The following RALA variants were observed in gnomAD, a reference collection of about 807,000 sequenced individuals.
The protein encoded by RALA is ras-related protein Ral-A.
Under a neutral mutation model 24.0 loss-of-function variants are expected in RALA, and 5 were observed. That is an observed-to-expected ratio of 0.21 (90% CI 0.11 to 0.44). The LOEUF (loss-of-function observed/expected upper bound fraction) is 0.44. Ranked by LOEUF, RALA falls within the 20% of genes least tolerant of loss-of-function variation. RALA has a pLI of 0.99. For missense variants in RALA, 95 were observed against 241.2 expected, an observed-to-expected ratio of 0.39 and a Z score of 4.01; for synonymous variants, 77 against 83.8, an observed-to-expected ratio of 0.92 and a Z score of 0.44.
chr7:39,667,542 A>T (rs960270459), intron 1 of RALA, among the ~76,000 whole-genome samples: 1 of 152,212 alleles, frequency 6.6e-6, no homozygotes, highest in Admixed American at 6.5e-5. Context: ...TGTAGGGGGA[A>T]TCTCTTCTTC....
At chr7:39,654,481 T>C (rs1481279052) in intron 1 of RALA, among the ~76,000 whole-genome samples, 1 of 152,184 alleles carries the variant, frequency 6.6e-6, no homozygotes, top group East Asian at 1.9e-4. Flanking sequence ...TTGTAAAAAT[T>C]ATCTCCCAGT....
intron 1 of RALA, among the ~76,000 whole-genome samples, chr7:39,682,912 T>A (rs941410290): frequency 1.3e-5 from 2 of 152,218 alleles, no homozygotes; most frequent in African/African-American, 4.8e-5. Context: ...AGTGCTGGGA[T>A]TACAGGCATG....
intron 1 of RALA, among the ~76,000 whole-genome samples, chr7:39,669,050 G>A (rs1792334965): frequency 6.6e-6 from 1 of 150,990 alleles, no homozygotes; most frequent in South Asian, 2.1e-4. Flanking sequence ...GGAGGCAGAG[G>A]TTGCAGTGAA....
rs369204460 is a variant in RALA at position 39,625,746 on chromosome 7, A to G, written c.-38+1921A>G. On this transcript the variant is annotated intron_variant, in intron 1 of 4. Transcript: ENST00000005257. The stretch of plus-strand genomic sequence containing the variant: ...CTAATTATAGAAAAGAATCTTGTCT[A>G]CCATTTGTGAGGGAATATTTTTGTC... 3.3e-5 allele frequency among the ~76,000 whole-genome samples: 5 copies of G among 152,202 alleles called. 1 individual carries two copies. Among genetic ancestry groups the G allele is most frequent in the South Asian group, 4.1e-4 (2 of 4,834 alleles).
chr7:39,690,725 A>G, intron 3 of RALA, 135 bp downstream of exon 3: 1 of 682,646 alleles, frequency 1.5e-6, no homozygotes, highest in Non-Finnish European at 2.4e-6. Flanking sequence ...CCTTTTTGAT[A>G]TCAGTATATG....
At chr7:39,632,754 T>G (rs1382194917) in intron 1 of RALA, among the ~76,000 whole-genome samples, 2 of 152,154 alleles carry the variant, frequency 1.3e-5, no homozygotes, top group African/African-American at 4.8e-5. Context: ...GAGGGGAGGC[T>G]TCAATGAGCT....
At chr7:39,664,813 A>G (rs1792255765) in intron 1 of RALA, among the ~76,000 whole-genome samples, 1 of 152,132 alleles carries the variant, frequency 6.6e-6, no homozygotes, top group South Asian at 2.1e-4. Flanking sequence ...TGCCAAAAAA[A>G]AAAAATAGTG....
Position 39,707,158 on chromosome 7 carries a change from T to G in RALA, c.*913T>G, listed in dbSNP as rs1438149014. 1 of 152,546 alleles carries G rather than the reference T, an allele frequency of 6.6e-6. No individual in the cohort carries two copies. The highest frequency in any genetic ancestry group is 2.4e-5 in the African/African-American group (1 of 41,430). The allele number at this position is 152,546 out of a possible 1,614,324, so 9.4% of individuals were successfully genotyped here. A position where few individuals can be genotyped will look rare whatever the true frequency, so the allele number is the denominator to read the frequency against. ...TGCAAGGATTCAGCACCAGTTATGT[T>G]TGAATGAACCCTCCTTTTCTCTGAG... On this transcript the variant is annotated 3_prime_UTR_variant, in exon 5 of 5. Coordinates refer to ENST00000005257, the MANE Select transcript of RALA (RefSeq NM_005402.4).
At chr7:39,685,179 C>T (rs1188800375) in intron 1 of RALA, among the ~76,000 whole-genome samples, 3 of 152,130 alleles carry the variant, frequency 2.0e-5, no homozygotes, top group African/African-American at 7.2e-5. Flanking sequence ...CAGAGGAGAA[C>T]CTAATTTAGG....
intron 1 of RALA, among the ~76,000 whole-genome samples, chr7:39,683,898 G>A (rs1792650289): frequency 6.6e-6 from 1 of 151,636 alleles, no homozygotes; most frequent in Non-Finnish European, 1.5e-5. Context: ...AATTGATATG[G>A]TAATGCCCTG....
At chr7:39,679,389 G>A (rs1302967442) in intron 1 of RALA, among the ~76,000 whole-genome samples, 1 of 152,110 alleles carries the variant, frequency 6.6e-6, no homozygotes, top group African/African-American at 2.4e-5. Context: ...AGTCAAGGGG[G>A]CTCTGGTTTG....
chr7:39,625,808 C>A, intron 1 of RALA, among the ~76,000 whole-genome samples: 1 of 152,186 alleles, frequency 6.6e-6, no homozygotes, highest in Non-Finnish European at 1.5e-5. Context: ...TAGGGAGGTT[C>A]AAATAAGAAG....
At chr7:39,698,327 C>T (rs1247197892) in intron 4 of RALA, among the ~76,000 whole-genome samples, 2 of 152,104 alleles carry the variant, frequency 1.3e-5, no homozygotes, top group African/African-American at 4.8e-5. Context: ...TCATAGTTTC[C>T]TGGGAACCAT....
chr7:39,656,965 T>TTTTTG (rs1156487169), intron 1 of RALA, among the ~76,000 whole-genome samples: 9 of 152,260 alleles, frequency 5.9e-5, no homozygotes, highest in Non-Finnish European at 1.0e-4. Flanking sequence ...TTTTTGTGTT[T>TTTTTG]TTTTGTTTTG....
At chr7:39,648,850 A>C (rs769435645) in intron 1 of RALA, among the ~76,000 whole-genome samples, 5 of 152,114 alleles carry the variant, frequency 3.3e-5, no homozygotes, top group Non-Finnish European at 5.9e-5. Context: ...ACTTGAGCCC[A>C]AGAGTTTGAG....
intron 3 of RALA, among the ~76,000 whole-genome samples, chr7:39,692,615 T>C (rs1792841652): frequency 6.6e-6 from 1 of 152,106 alleles, no homozygotes; most frequent in East Asian, 1.9e-4. Context: ...CTATTAACTC[T>C]AAAAAAATAA....
At chr7:39,687,159 G>T (rs1473438312) in intron 2 of RALA, among the ~76,000 whole-genome samples, 1 of 152,180 alleles carries the variant, frequency 6.6e-6, no homozygotes, top group Non-Finnish European at 1.5e-5. Flanking sequence ...GGCACGCACG[G>T]TGGCTCACGC....
intron 1 of RALA, among the ~76,000 whole-genome samples, chr7:39,653,336 T>C (rs1394138768): frequency 6.6e-6 from 1 of 152,118 alleles, no homozygotes; most frequent in Non-Finnish European, 1.5e-5. Flanking sequence ...CCTATTATTA[T>C]TGTTTTTTGA....
chr7:39,626,563 A>C (rs1791491773), intron 1 of RALA, among the ~76,000 whole-genome samples: 2 of 152,220 alleles, frequency 1.3e-5, no homozygotes, highest in Admixed American at 1.3e-4. Context: ...CTCAAGCAGC[A>C]GCCATTCTTC....
Sources: gnomAD v4.1 joint callset for allele counts (sites outside exome capture counted in the v4.1 genomes callset) on GRCh38, gnomAD v4.1.1 for gene constraint, MANE v1.5 for transcripts, NCBI Gene and HGNC (gene_info 2026-07-23, HGNC 2026-07-21) for gene names.